Variants in LRRC4C observed in about 807,000 individuals in gnomAD.
LRRC4C encodes leucine rich repeat containing 4C.
In LRRC4C, 5 loss-of-function variants were observed where a neutral mutation model predicts 33.6. The observed-to-expected ratio is 0.15, with a 90% CI of 0.08 to 0.31. The LOEUF is 0.31. Among genes scored for constraint, LRRC4C ranks in the 10% least tolerant of loss-of-function variants. The pLI is 1.00. For synonymous variants in LRRC4C, 329 were observed against 302.0 expected, an observed-to-expected ratio of 1.09 and a Z score of -0.93; for missense variants, 560 against 796.7, an observed-to-expected ratio of 0.70 and a Z score of 3.58.
At chr11:40,737,369 G>A (rs1318841900) in intron 2 of LRRC4C, among the ~76,000 whole-genome samples, 2 of 152,014 alleles carry the variant, frequency 1.3e-5, no homozygotes, top group Admixed American at 1.3e-4. Context: ...GTTCTGGCCA[G>A]GGCAATTAGG....
chr11:41,444,160 A>G (rs1321759151), intron 1 of LRRC4C, among the ~76,000 whole-genome samples: 2 of 152,210 alleles, frequency 1.3e-5, no homozygotes, highest in African/African-American at 4.8e-5. Context: ...AAGAGAAAAA[A>G]AGTAATAATA....
chr11:40,318,328 T>C (rs1396471436), intron 4 of LRRC4C, among the ~76,000 whole-genome samples: 1 of 152,104 alleles, frequency 6.6e-6, no homozygotes, highest in African/African-American at 2.4e-5. Flanking sequence ...GGAAAAATCA[T>C]CAAAATTTGA....
intron 3 of LRRC4C, among the ~76,000 whole-genome samples, chr11:40,537,390 G>A (rs1956519582): frequency 1.3e-5 from 2 of 152,158 alleles, no homozygotes; most frequent in South Asian, 4.1e-4. Flanking sequence ...CCAGAAAGCT[G>A]TTAAGGCTGA....
intron 1 of LRRC4C, among the ~76,000 whole-genome samples, chr11:41,012,874 T>C (rs532188293): frequency 1.2e-3 from 178 of 152,324 alleles, no homozygotes; most frequent in African/African-American, 4.3e-3. Context: ...CTATTGGCCA[T>C]CTGTATGTGT....
chr11:40,752,316 C>G (rs763474355), intron 2 of LRRC4C, among the ~76,000 whole-genome samples: 5 of 151,942 alleles, frequency 3.3e-5, no homozygotes, highest in Non-Finnish European at 5.9e-5. Flanking sequence ...AGATAACCTA[C>G]AGAATGGAAG....
intron 2 of LRRC4C, among the ~76,000 whole-genome samples, chr11:40,797,547 T>C (rs1950883628): frequency 6.6e-6 from 1 of 152,174 alleles, no homozygotes; most frequent in African/African-American, 2.4e-5. Flanking sequence ...TATTTTATTA[T>C]ATAGACTACA....
At chr11:41,367,165 T>A (rs1362789301) in intron 1 of LRRC4C, among the ~76,000 whole-genome samples, 1 of 152,088 alleles carries the variant, frequency 6.6e-6, no homozygotes, top group East Asian at 1.9e-4. Flanking sequence ...AGAAAAGACA[T>A]CTCTATATAG....
chr11:41,364,226 G>A (rs1447266026), intron 1 of LRRC4C, among the ~76,000 whole-genome samples: 1 of 152,098 alleles, frequency 6.6e-6, no homozygotes, highest in Non-Finnish European at 1.5e-5. Flanking sequence ...CTATTCACTA[G>A]AATTAAATTT....
At chr11:40,668,690 C>A (rs991279694) in intron 2 of LRRC4C, among the ~76,000 whole-genome samples, 1 of 152,108 alleles carries the variant, frequency 6.6e-6, no homozygotes, top group East Asian at 1.9e-4. Context: ...AAAAAGTAAA[C>A]CTTGCAGACC....
At chr11:40,752,514 A>G (rs980990667) in intron 2 of LRRC4C, among the ~76,000 whole-genome samples, 1 of 152,136 alleles carries the variant, frequency 6.6e-6, no homozygotes, top group African/African-American at 2.4e-5. Context: ...ATCATTTATC[A>G]TAAGAGAAAT....
At chr11:40,450,384 C>T (rs1290050338) in intron 3 of LRRC4C, among the ~76,000 whole-genome samples, 1 of 151,940 alleles carries the variant, frequency 6.6e-6, no homozygotes, top group African/African-American at 2.4e-5. Context: ...TGTCTATGAC[C>T]TGTGTGATAT....
chr11:41,138,779 A>C (rs1422883424), intron 1 of LRRC4C, among the ~76,000 whole-genome samples: 1 of 152,188 alleles, frequency 6.6e-6, no homozygotes, highest in Non-Finnish European at 1.5e-5. Context: ...GGCTCTAAAC[A>C]CCAGCACTTT....
At chr11:40,744,769 A>G (rs919319953) in intron 2 of LRRC4C, among the ~76,000 whole-genome samples, 4 of 152,190 alleles carry the variant, frequency 2.6e-5, no homozygotes, top group African/African-American at 7.2e-5. Context: ...CTGTAAGTCC[A>G]AAACTATTTG....
chr11:40,962,730 T>A (rs1431886028), intron 1 of LRRC4C, among the ~76,000 whole-genome samples: 1 of 151,730 alleles, frequency 6.6e-6, no homozygotes, highest in East Asian at 1.9e-4. Flanking sequence ...GATCTACTTA[T>A]GCTCTCATCT....
At chr11:41,051,584 T>A (rs1032039926) in intron 1 of LRRC4C, among the ~76,000 whole-genome samples, 1 of 142,424 alleles carries the variant, frequency 7.0e-6, no homozygotes, top group African/African-American at 2.6e-5. Context: ...AATGGCTTTT[T>A]CTGATTTTTA....
At chr11:40,244,726 G>A (rs1387036651) in intron 4 of LRRC4C, among the ~76,000 whole-genome samples, 1 of 151,952 alleles carries the variant, frequency 6.6e-6, no homozygotes, top group Non-Finnish European at 1.5e-5. Flanking sequence ...AGTGGGCTAA[G>A]GGGAAGGTTT....
chr11:40,142,655 T>A (rs1463382402), intron 5 of LRRC4C, among the ~76,000 whole-genome samples: 1 of 152,092 alleles, frequency 6.6e-6, no homozygotes, highest in Admixed American at 6.5e-5. Flanking sequence ...CTACTCAACA[T>A]CCATTGCTGG....
chr11:41,289,097 C>T (rs965708587), intron 1 of LRRC4C, among the ~76,000 whole-genome samples: 2 of 152,044 alleles, frequency 1.3e-5, no homozygotes, highest in South Asian at 4.1e-4. Flanking sequence ...AAAGTTCTCA[C>T]CCACATTCAA....
intron 2 of LRRC4C, among the ~76,000 whole-genome samples, chr11:40,709,030 G>A (rs1159215699): frequency 1.3e-5 from 2 of 151,914 alleles, no homozygotes; most frequent in Non-Finnish European, 2.9e-5. Context: ...TGCAACCTCT[G>A]CTTTTTTTTT....
Sources: allele counts gnomAD v4.1 joint callset (sites outside exome capture counted in the v4.1 genomes callset), GRCh38; gene constraint gnomAD v4.1.1; transcripts MANE v1.5; gene names NCBI Gene and HGNC (gene_info 2026-07-23, HGNC 2026-07-21).